The following NTNG1 variants were observed in gnomAD, a reference collection of about 807,000 sequenced individuals.
The protein encoded by NTNG1 is netrin G1.
A neutral mutation model predicts 54.0 loss-of-function variants in NTNG1; 16 were observed. That is an observed-to-expected ratio of 0.30 (90% CI 0.20 to 0.45). NTNG1 has a LOEUF of 0.45. Among genes scored for constraint, NTNG1 ranks in the 20% least tolerant of loss-of-function variants. The pLI is 1.00. For synonymous variants in NTNG1, 255 were observed against 263.1 expected, an observed-to-expected ratio of 0.97 and a Z score of 0.30; for missense variants, 530 against 678.7, an observed-to-expected ratio of 0.78 and a Z score of 2.43.
intron 2 of NTNG1, among the ~76,000 whole-genome samples, chr1:107,179,253 A>T: frequency 6.6e-6 from 1 of 152,188 alleles, no homozygotes; most frequent in East Asian, 1.9e-4. Flanking sequence ...TTATGCTGGA[A>T]CTTGGTGGAT....
intron 2 of NTNG1, among the ~76,000 whole-genome samples, chr1:107,164,326 T>C (rs1655616403): frequency 6.6e-6 from 1 of 152,192 alleles, no homozygotes. Context: ...CTTGATTTTG[T>C]GCAGGACTCA....
intron 2 of NTNG1, among the ~76,000 whole-genome samples, chr1:107,162,067 G>A (rs547035092): frequency 4.6e-5 from 7 of 151,766 alleles, no homozygotes; most frequent in South Asian, 4.2e-4. Context: ...ATATTTTATT[G>A]TATAAATACA....
At chr1:107,480,569 T>TCCCCCCCCCCCCCCCCCCCCCA in intron 7 of NTNG1, 42 bp from the exon 8 acceptor site, 1 of 609,596 alleles carries the variant, frequency 1.6e-6, no homozygotes, top group Non-Finnish European at 3.1e-6. Flanking sequence ...CTGCTTCTCC[T>TCCCCCCCCCCCCCCCCCCCCCA]CCCCGCGCCC....
chr1:107,368,343 T>G (rs189759654), intron 3 of NTNG1, among the ~76,000 whole-genome samples: 10 of 152,186 alleles, frequency 6.6e-5, no homozygotes, highest in African/African-American at 2.2e-4. Context: ...AAAAAAAACA[T>G]TGGTGGCAGA....
intron 2 of NTNG1, among the ~76,000 whole-genome samples, chr1:107,203,044 T>C (rs747172632): frequency 2.6e-5 from 4 of 152,004 alleles, no homozygotes; most frequent in Non-Finnish European, 4.4e-5. Context: ...GAAAAGATCT[T>C]AGCTATATGT....
intron 2 of NTNG1, among the ~76,000 whole-genome samples, chr1:107,245,163 C>G (rs1662114042): frequency 6.6e-6 from 1 of 152,112 alleles, no homozygotes; most frequent in South Asian, 2.1e-4. Flanking sequence ...CAGGCAAATT[C>G]CTTTTAAACA....
At chr1:107,293,569 G>A (rs190098519) in intron 2 of NTNG1, among the ~76,000 whole-genome samples, 7 of 152,270 alleles carry the variant, frequency 4.6e-5, no homozygotes, top group South Asian at 2.1e-4. Flanking sequence ...TGGAACATTA[G>A]AGTAAGAAAA....
At chr1:107,254,551 G>A (rs1052949239) in intron 2 of NTNG1, among the ~76,000 whole-genome samples, 1 of 152,220 alleles carries the variant, frequency 6.6e-6, no homozygotes, top group African/African-American at 2.4e-5. Flanking sequence ...CGCTTGCCTC[G>A]CTGTAGGAAA....
chr1:107,224,779 G>A (rs533474699), intron 2 of NTNG1, among the ~76,000 whole-genome samples: 24 of 152,084 alleles, frequency 1.6e-4, no homozygotes, highest in Non-Finnish European at 2.4e-4. Context: ...AATTATGCAG[G>A]AATAATGAGA....
rs561446251 is a variant in NTNG1, at chr1:107,177,369, C to T, written c.246+28530C>T. On this transcript the variant is annotated intron_variant, in intron 2 of 7. Transcript: ENST00000370068. ...TTTTTTCCTGAGACAGAGTCTTGCT[C>T]TGTCACCCAGGCTAGAGTGCAGTGG... Among the ~76,000 whole-genome samples the T allele has an allele frequency of 7.2e-5, 11 of 151,760 alleles. No homozygotes were observed. In the East Asian group the frequency reaches 2.1e-3, roughly 29 times the overall value.
intron 2 of NTNG1, among the ~76,000 whole-genome samples, chr1:107,275,292 G>A (rs1348532771): frequency 6.6e-6 from 1 of 152,148 alleles, no homozygotes; most frequent in Admixed American, 6.5e-5. Context: ...CAGGAGAATG[G>A]CGTGAATCCG....
intron 2 of NTNG1, among the ~76,000 whole-genome samples, chr1:107,245,448 T>G (rs1459722082): frequency 6.6e-6 from 1 of 152,228 alleles, no homozygotes; most frequent in Non-Finnish European, 1.5e-5. Flanking sequence ...ATTTGGCTAT[T>G]ATAAGAAAAA....
chr1:107,432,260 T>G (rs1369573898), intron 6 of NTNG1, among the ~76,000 whole-genome samples: 5 of 152,188 alleles, frequency 3.3e-5, no homozygotes. Context: ...GCAGATGTCT[T>G]GTTTTGTTTT....
intron 2 of NTNG1, among the ~76,000 whole-genome samples, chr1:107,203,538 TAGTTATTCTTATAG>T (rs1234448531): frequency 6.7e-6 from 1 of 149,944 alleles, no homozygotes; most frequent in Non-Finnish European, 1.5e-5. Flanking sequence ...GTTATATGTA[TAGTTATTCTTATAG>T]AGTTATTCAT....
chr1:107,265,517 A>T (rs1663676515), intron 2 of NTNG1, among the ~76,000 whole-genome samples: 1 of 152,170 alleles, frequency 6.6e-6, no homozygotes, highest in African/African-American at 2.4e-5. Context: ...GTGAGTTAAG[A>T]TTTGCAGGCC....
At position 107,376,202 on chromosome 1, in the gene NTNG1, T is replaced by C. The variant is rs1006766846; in HGVS notation, c.888-18952T>C. ...TTGGGAGGCAGAGGTGGGCGGATCA[T>C]GAGGTCAGGAGATCGAGACCACAGT... On this transcript the variant is annotated intron_variant, in intron 3 of 7. Transcript: ENST00000370068. Among the ~76,000 whole-genome samples, 5 of 151,156 alleles carry C rather than the reference T, an allele frequency of 3.3e-5. No homozygotes were observed. In the South Asian group the frequency reaches 6.3e-4, roughly 19 times the overall value.
intron 2 of NTNG1, among the ~76,000 whole-genome samples, chr1:107,299,134 A>G (rs760020355): frequency 2.0e-5 from 3 of 152,162 alleles, no homozygotes; most frequent in Admixed American, 1.3e-4. Context: ...TGCATTCCTA[A>G]TGCTCCTGAT....
At chr1:107,470,023 A>G (rs1677878372) in intron 7 of NTNG1, among the ~76,000 whole-genome samples, 1 of 152,210 alleles carries the variant, frequency 6.6e-6, no homozygotes, top group Non-Finnish European at 1.5e-5. Context: ...CAAGATGGTC[A>G]TCCGTTGGGT....
At chr1:107,155,009 C>T (rs1654879291) in intron 2 of NTNG1, among the ~76,000 whole-genome samples, 1 of 152,022 alleles carries the variant, frequency 6.6e-6, no homozygotes, top group Non-Finnish European at 1.5e-5. Context: ...CTTCAGTCCC[C>T]CTGGAGATAA....
Sources: gnomAD v4.1 joint callset for allele counts (sites outside exome capture counted in the v4.1 genomes callset) on GRCh38, gnomAD v4.1.1 for gene constraint, MANE v1.5 for transcripts, NCBI Gene and HGNC (gene_info 2026-07-23, HGNC 2026-07-21) for gene names.